Variants in CACNA1H observed in about 807,000 individuals in gnomAD.
The protein encoded by CACNA1H is voltage-dependent T-type calcium channel subunit alpha-1H.
In CACNA1H, 149 loss-of-function variants were observed where a neutral mutation model predicts 192.5. The observed-to-expected ratio is 0.77, with a 90% CI of 0.68 to 0.89. The LOEUF (loss-of-function observed/expected upper bound fraction) is 0.89. Ranked by LOEUF, CACNA1H falls within the 40% of genes least tolerant of loss-of-function variation. The probability of loss-of-function intolerance (pLI) is 0.00; values close to 1 mark genes in which losing one functional copy is unlikely to be tolerated. For missense variants in CACNA1H, 4,257 were observed against 3,423.5 expected (o/e 1.24, Z -6.08); for synonymous variants, 2,202 against 1,475.2 (o/e 1.49, Z -11.29).
At chr16:1,190,453 C>T (rs1966502027) in intron 2 of CACNA1H, among the ~76,000 whole-genome samples, 1 of 152,218 alleles carries the variant, frequency 6.6e-6, no homozygotes, top group Non-Finnish European at 1.5e-5. Context: ...GCCCGAGCCC[C>T]TGCTGGCCTG....
chr16:1,221,619 G>C lies in CACNA1H; in HGVS notation c.*625G>C. ...GCGAATCAGGCCTCCCCTACATCTG[G>C]GGGCGTTGGCCGCGAGATTCCCATT... On this transcript the variant is annotated 3_prime_UTR_variant, in exon 35 of 35. Transcript: ENST00000348261. 1 of 736,408 alleles carries C rather than the reference G, an allele frequency of 1.4e-6. No individual in the cohort carries two copies. Among genetic ancestry groups the C allele is most frequent in the Non-Finnish European group, 2.1e-6 (1 of 466,312 alleles). 45.6% of individuals were successfully genotyped at this position (736,408 alleles called of 1,614,324 possible).
Position 1,204,461 on chromosome 16 carries a change from G to A in CACNA1H, c.2451+3G>A, listed in dbSNP as rs1596422577. 1 of 1,527,296 alleles carries A rather than the reference G, an allele frequency of 6.5e-7. No homozygotes were observed. The highest frequency in any genetic ancestry group is 8.8e-7 in the Non-Finnish European group (1 of 1,137,746). 94.6% of individuals were successfully genotyped at this position (1,527,296 alleles called of 1,614,324 possible). On this transcript the variant is annotated splice_donor_region_variant and intron_variant, in intron 10 of 34. Transcript: ENST00000348261. ...TGGGCGTGGAGTACCATGAGCAGGT[G>A]CGGGCTGGCCTGGCCACGGGGTGGG...
In CACNA1H at chr16:1,221,445, T is replaced by C. The variant is rs1970473497; in HGVS notation, c.*451T>C. 3 of 326,262 alleles carry C rather than the reference T, an allele frequency of 9.2e-6. No individual in the cohort carries two copies. Among genetic ancestry groups the C allele is most frequent in the South Asian group, 9.6e-5 (2 of 20,876 alleles). 20.2% of individuals were successfully genotyped at this position (326,262 alleles called of 1,614,324 possible). A position where few individuals can be genotyped will look rare whatever the true frequency, so the allele number is the denominator to read the frequency against. ...CACCTTCACTCACAGTCTGAGTTCT[T>C]GTCCGCCTGTCACGCCCTCACCACC... is the stretch of plus-strand genomic sequence containing the variant. On this transcript the variant is annotated 3_prime_UTR_variant, in exon 35 of 35. Transcript: ENST00000348261.
At chr16:1,176,374 G>T (rs1964890849) in intron 2 of CACNA1H, among the ~76,000 whole-genome samples, 1 of 152,250 alleles carries the variant, frequency 6.6e-6, no homozygotes, top group Non-Finnish European at 1.5e-5. Flanking sequence ...GCCAGGCATG[G>T]GTCTGGGAGG....
chr16:1,190,692 C>G (rs932729264), intron 2 of CACNA1H, among the ~76,000 whole-genome samples: 1 of 152,280 alleles, frequency 6.6e-6, no homozygotes, highest in Admixed American at 6.5e-5. Context: ...CCAGAGCTGC[C>G]CCACAGGCAC....
intron 6 of CACNA1H, 109 bp downstream of exon 6, chr16:1,198,883 T>C: frequency 9.4e-7 from 1 of 1,061,528 alleles, no homozygotes; most frequent in Non-Finnish European, 1.4e-6. Flanking sequence ...CACCGTGCAG[T>C]CACCCGCCCC....
chr16:1,174,400 A>G (rs1045985118), intron 2 of CACNA1H, among the ~76,000 whole-genome samples: 8 of 152,184 alleles, frequency 5.3e-5, no homozygotes, highest in Non-Finnish European at 1.0e-4. Flanking sequence ...CATTGCTGCC[A>G]GGATGGGGGG....
At chr16:1,159,687 G>C (rs1962927528) in intron 2 of CACNA1H, 1 of 152,644 alleles carries the variant, frequency 6.6e-6, no homozygotes, top group Non-Finnish European at 1.5e-5. Context: ...GAGAGAGACG[G>C]GGCTGGAAGG....
At chr16:1,160,664 C>T (rs112084414) in intron 2 of CACNA1H, among the ~76,000 whole-genome samples, 17 of 152,294 alleles carry the variant, frequency 1.1e-4, no homozygotes, top group Middle Eastern at 3.4e-3. Flanking sequence ...CCCGGGCTGA[C>T]GGGAGAAGCG....
intron 2 of CACNA1H, among the ~76,000 whole-genome samples, chr16:1,188,208 C>A (rs3863644): frequency 3.9e-5 from 6 of 152,246 alleles, no homozygotes; most frequent in East Asian, 3.9e-4. Flanking sequence ...CGTGAGCCAG[C>A]GGGTCTGGGC....
chr16:1,209,474 C>A, intron 17 of CACNA1H, 62 bp downstream of exon 17: 4 of 1,571,018 alleles, frequency 2.5e-6, no homozygotes, highest in East Asian at 2.3e-5. Flanking sequence ...CAGGTTCCCT[C>A]AAGTGGGGTT....
chr16:1,200,327 C>G lies in CACNA1H; in HGVS notation c.875C>G (p.Ser292Cys). ...GGCGAGGAGAACCCGTTCATCTGCTCCTCACGCCGAGACAACGGCATGCAG... is the reference window on the plus strand; with the variant it reads ...GGCGAGGAGAACCCGTTCATCTGCTGCTCACGCCGAGACAACGGCATGCAG... The part of the protein sequence containing the change: ...EEGEENPFIC[S>C]SRRDNGMQKC... Residue 292 changes from serine (S) to cysteine (C), a missense_variant, in exon 7 of 35, where the codon TCC (serine) becomes TGC (cysteine). Physicochemically the swap from Ser to Cys is moderately radical, Grantham distance 112 (BLOSUM62 -1). Transcript: ENST00000348261. The G allele has an allele frequency of 6.2e-7, 1 of 1,604,596 alleles. No individual in the cohort carries two copies. Among genetic ancestry groups the G allele is most frequent in the Non-Finnish European group, 8.5e-7 (1 of 1,176,264 alleles).
intron 2 of CACNA1H, among the ~76,000 whole-genome samples, chr16:1,182,806 C>T (rs1264146903): frequency 6.6e-6 from 1 of 152,068 alleles, no homozygotes; most frequent in Non-Finnish European, 1.5e-5. Context: ...CCCACCCTGG[C>T]CCTCCTCTGA....
Position 1,220,477 on chromosome 16 carries a change from G to T in CACNA1H, c.6545G>T (p.Arg2182Leu), listed in dbSNP as rs200724225. The T allele has an allele frequency of 6.5e-7, 1 of 1,545,784 alleles. No individual in the cohort carries two copies. Among genetic ancestry groups the T allele is most frequent in the East Asian group, 2.3e-5 (1 of 44,304 alleles). ...GAGGCCGAGCCCGCTCTGGGTGCGC[G>T]CAGAAAGAAGAAGATGAGCCCCCCC... ...GPEAEPALGARRKKKMSPPCI... is the reference protein window; with the variant it reads ...GPEAEPALGALRKKKMSPPCI... Residue 2182 changes from arginine (R) to leucine (L), a missense_variant, in exon 35 of 35, where the codon CGC (arginine) becomes CTC (leucine). Transcript: ENST00000348261.
chr16:1,180,758 C>T lies in CACNA1H; in HGVS notation c.300-14214C>T, dbSNP rs1965384756. Among the ~76,000 whole-genome samples, 1 of 152,124 alleles carries T rather than the reference C, an allele frequency of 6.6e-6. No homozygotes were observed. Among genetic ancestry groups the T allele is most frequent in the Non-Finnish European group, 1.5e-5 (1 of 67,986 alleles). ...GGCTGGGATGCCGCCGAATAGGGGCCTGTGGCTCCCACAGGGAGGCCCCTT... is the reference window on the plus strand; with the variant it reads ...GGCTGGGATGCCGCCGAATAGGGGCTTGTGGCTCCCACAGGGAGGCCCCTT... On this transcript the variant is annotated intron_variant, in intron 2 of 34. Transcript: ENST00000348261. The surrounding 1 kb of genome is among the most constrained non-coding windows in gnomAD (Gnocchi z 4.4).
chr16:1,216,400 G>A (rs2753323), intron 30 of CACNA1H, among the ~76,000 whole-genome samples: 14,217 of 152,324 alleles, frequency 0.093, 905 homozygotes, highest in South Asian at 0.23. Context: ...AGGGTGCGCC[G>A]CCCAGCGGGG....
chr16:1,217,075 C>T, intron 31 of CACNA1H, 65 bp downstream of exon 31: 1 of 1,362,316 alleles, frequency 7.3e-7, no homozygotes, highest in Non-Finnish European at 1.0e-6. Flanking sequence ...CTGTGCCCAT[C>T]CACTCACACG....
intron 2 of CACNA1H, among the ~76,000 whole-genome samples, chr16:1,164,229 G>A (rs1345262354): frequency 6.6e-6 from 1 of 152,238 alleles, no homozygotes; most frequent in East Asian, 1.9e-4. Context: ...GGGTGTCCAT[G>A]CATGTTTGAG....
intron 29 of CACNA1H, 30 bp from the exon 30 acceptor site, chr16:1,215,492 AG>A: frequency 6.2e-7 from 1 of 1,606,262 alleles, no homozygotes; most frequent in Non-Finnish European, 8.5e-7. Context: ...GGGTCCGCCC[AG>A]CCCTGCTGAC....
Sources: allele counts gnomAD v4.1 joint callset (sites outside exome capture counted in the v4.1 genomes callset), GRCh38; gene constraint gnomAD v4.1.1; non-coding constraint Gnocchi (gnomAD v3.1); transcripts MANE v1.5; gene names NCBI Gene and HGNC (gene_info 2026-07-23, HGNC 2026-07-21).